The following RASSF4 variants were observed in gnomAD, a reference collection of about 807,000 sequenced individuals.
The protein encoded by RASSF4 is Ras association domain family member 4, also known as ras association domain-containing protein 4.
Under a neutral mutation model 41.1 loss-of-function variants are expected in RASSF4, and 38 were observed. The ratio of observed to expected loss-of-function variants is 0.92; its 90% confidence interval spans 0.71 to 1.21. The LOEUF is 1.21. Among genes scored for constraint, RASSF4 ranks in the 50% most tolerant of loss-of-function variants. The pLI is 0.00. For synonymous variants in RASSF4, 179 were observed against 163.4 expected (o/e 1.10, Z -0.73); for missense variants, 414 against 419.4 (o/e 0.99, Z 0.11).
chr10:44,982,371 C>T (rs775246770), intron 3 of RASSF4, 150 bp from the exon 4 acceptor site: 49 of 932,862 alleles, frequency 5.3e-5, no homozygotes, highest in Admixed American at 4.0e-5. Context: ...CCCCAGGGCA[C>T]GTAGTGGCTG....
intron 8 of RASSF4, 65 bp downstream of exon 8, chr10:44,989,786 TC>T: frequency 1.4e-6 from 2 of 1,405,494 alleles, no homozygotes; most frequent in Non-Finnish European, 2.0e-6. Context: ...GCAAGCCCCC[TC>T]CCCACCAACC....
At chr10:44,981,440 C>T (rs931035563) in intron 3 of RASSF4, 1 of 152,164 alleles carries the variant, frequency 6.6e-6, no homozygotes. Flanking sequence ...CAGTATTGTG[C>T]ACTGAACAGT....
chr10:44,980,847 T>C (rs3758399), intron 3 of RASSF4: 3 of 152,112 alleles, frequency 2.0e-5, no homozygotes, highest in African/African-American at 7.2e-5. Flanking sequence ...GAACCCCCCA[T>C]AGACCTTTGA....
chr10:44,964,825 C>A (rs1397946526), intron 1 of RASSF4, among the ~76,000 whole-genome samples: 2 of 152,126 alleles, frequency 1.3e-5, no homozygotes, highest in Non-Finnish European at 2.9e-5. Context: ...TCAGACACCC[C>A]TTAGGTACTC....
intron 3 of RASSF4, among the ~76,000 whole-genome samples, chr10:44,979,815 A>G (rs1841627450): frequency 6.6e-6 from 1 of 151,992 alleles, no homozygotes; most frequent in Non-Finnish European, 1.5e-5. Context: ...GAACAAGGGC[A>G]CTGCAGTCTG....
At chr10:44,989,412 C>T (rs1323336071) in intron 7 of RASSF4, 37 bp downstream of exon 7, 1 of 1,419,154 alleles carries the variant, frequency 7.0e-7, no homozygotes, top group Non-Finnish European at 9.9e-7. Context: ...CCCAGGATGC[C>T]AGTGGTCTGC....
At chr10:44,971,502 GCACCCTGGA>G in intron 2 of RASSF4, 1 of 630,062 alleles carries the variant, frequency 1.6e-6, no homozygotes, top group Non-Finnish European at 3.0e-6. Flanking sequence ...GAAAGTGTCG[GCACCCTGGA>G]CATCCTGGAC....
At chr10:44,975,570 A>T (rs1588813850) in intron 3 of RASSF4, among the ~76,000 whole-genome samples, 1 of 93,848 alleles carries the variant, frequency 1.1e-5, no homozygotes, top group Non-Finnish European at 2.1e-5. Flanking sequence ...TCCCCTCTCT[A>T]CCTCCCTTTC....
Position 44,984,102 on chromosome 10 carries a change from C to T in RASSF4, c.362C>T (p.Thr121Ile), listed in dbSNP as rs763261638. The T allele has an allele frequency of 1.2e-6, 2 of 1,602,792 alleles. No homozygotes were observed. Among genetic ancestry groups the T allele is most frequent in the Admixed American group, 1.7e-5 (1 of 58,578 alleles). The change falls in exon 5 of 11, where the codon ACA becomes ATA. Residue 121 changes from threonine (T) to isoleucine (I), a missense_variant. Physicochemically the swap from Thr to Ile is moderately conservative, Grantham distance 89. Transcript: ENST00000340258. ...CCAGTGCACAAGGCTGAGAGTTCCA[C>T]AGACAGCTCGGGTAAGCGGAGCCCG... ...IQPVHKAESS[T>I]DSSGPLEEAE...
At chr10:44,970,381 C>T in intron 2 of RASSF4, 117 bp downstream of exon 2, 1 of 813,050 alleles carries the variant, frequency 1.2e-6, no homozygotes. Context: ...GATGGGGTGC[C>T]CTGGGGGACA....
At position 44,993,357 on chromosome 10, in the gene RASSF4, C is replaced by T. The variant is rs1376922938; in HGVS notation, c.*28C>T. On this transcript the variant is annotated 3_prime_UTR_variant, in exon 11 of 11. Transcript: ENST00000340258. Reference sequence around the variant, plus strand: ...GGCCAACACCTGCCTCTTCCAAAGTCCCCAGCAGTGGCAGGTGTACACTGA... The same window carrying T: ...GGCCAACACCTGCCTCTTCCAAAGTTCCCAGCAGTGGCAGGTGTACACTGA... 6.3e-7 allele frequency: 1 copy of T among 1,578,904 alleles called. No homozygotes were observed.
chr10:44,965,688 C>G (rs1840875323), intron 1 of RASSF4, among the ~76,000 whole-genome samples: 1 of 152,230 alleles, frequency 6.6e-6, no homozygotes, highest in Non-Finnish European at 1.5e-5. Context: ...GGGCCCTGAG[C>G]CACCTCCCTT....
chr10:44,992,909 A>G (rs1313592979), intron 10 of RASSF4, among the ~76,000 whole-genome samples: 1 of 152,208 alleles, frequency 6.6e-6, no homozygotes. Flanking sequence ...CTCAACGTAC[A>G]GAGTGGACGC....
chr10:44,977,028 T>G, intron 3 of RASSF4: 2 of 171,646 alleles, frequency 1.2e-5, no homozygotes, highest in Non-Finnish European at 1.2e-5. Context: ...CCAGCGATGA[T>G]GGTAGCTACT....
chr10:44,967,531 G>GC (rs1840950886), intron 1 of RASSF4, among the ~76,000 whole-genome samples: 1 of 152,346 alleles, frequency 6.6e-6, no homozygotes, highest in South Asian at 2.1e-4. Context: ...GAAGGAATGT[G>GC]CCCCCCATTC....
At chr10:44,986,448 C>T (rs886285635) in intron 6 of RASSF4, among the ~76,000 whole-genome samples, 1 of 152,246 alleles carries the variant, frequency 6.6e-6, no homozygotes, top group Non-Finnish European at 1.5e-5. Flanking sequence ...TCAAGAAGAG[C>T]TACTCAGCCA....
chr10:44,989,487 C>A, intron 7 of RASSF4, 112 bp downstream of exon 7: 1 of 945,478 alleles, frequency 1.1e-6, no homozygotes, highest in Non-Finnish European at 1.7e-6. Context: ...GGCAGAAGGT[C>A]TAGCAAGGGT....
intron 1 of RASSF4, among the ~76,000 whole-genome samples, chr10:44,962,454 A>G (rs761147741): frequency 6.6e-6 from 1 of 152,216 alleles, no homozygotes; most frequent in African/African-American, 2.4e-5. Flanking sequence ...AAAGGACTCT[A>G]TGACCCAAAA....
chr10:44,984,639 C>G (rs1469710302), intron 5 of RASSF4, 174 bp from the exon 6 acceptor site: 1 of 729,508 alleles, frequency 1.4e-6, no homozygotes, highest in Non-Finnish European at 2.3e-6. Context: ...TGGGTCTCAC[C>G]TTCCTATCTG....
Sources: allele counts gnomAD v4.1 joint callset (sites outside exome capture counted in the v4.1 genomes callset), GRCh38; gene constraint gnomAD v4.1.1; transcripts MANE v1.5; gene names NCBI Gene and HGNC (gene_info 2026-07-23, HGNC 2026-07-21).